Variants in LINGO2 observed in about 807,000 individuals in gnomAD.
LINGO2 encodes leucine-rich repeat and immunoglobulin-like domain-containing nogo receptor-interacting protein 2.
Under a neutral mutation model 30.6 loss-of-function variants are expected in LINGO2, and 14 were observed. The observed-to-expected ratio is 0.46, with a 90% confidence interval of 0.30 to 0.72. LINGO2 has a LOEUF of 0.72. LINGO2 is among the 30% of genes least tolerant of loss of function. The pLI is 0.07. For synonymous variants in LINGO2, 317 were observed against 288.5 expected (o/e 1.10, Z -1.00); for missense variants, 729 against 751.7 (o/e 0.97, Z 0.35).
intron 4 of LINGO2, among the ~76,000 whole-genome samples, chr9:28,017,156 A>G (rs1822880613): frequency 1.3e-5 from 2 of 152,252 alleles, no homozygotes; most frequent in Admixed American, 6.5e-5. Flanking sequence ...CATGTTAAAA[A>G]CTCTCAATAA....
chr9:28,489,896 C>CAAAAAAAAAAAAAAA, intron 1 of LINGO2, among the ~76,000 whole-genome samples: 1 of 66,920 alleles, frequency 1.5e-5, no homozygotes, highest in Non-Finnish European at 2.9e-5. Flanking sequence ...GACTTTGTCT[C>CAAAAAAAAAAAAAAA]AAAAAAAAAA....
chr9:28,312,299 T>A (rs976416927), intron 3 of LINGO2, among the ~76,000 whole-genome samples: 2 of 151,854 alleles, frequency 1.3e-5, no homozygotes, highest in African/African-American at 4.8e-5. Context: ...TAAGCTCAAA[T>A]TTTTTTAAAT....
At chr9:28,437,583 GCACACACACC>G (rs1944398583) in intron 2 of LINGO2, among the ~76,000 whole-genome samples, 4 of 145,520 alleles carry the variant, frequency 2.7e-5, no homozygotes, top group Admixed American at 2.7e-4. Context: ...ACACAGACGC[GCACACACACC>G]CACACACACA....
chr9:28,413,124 A>G (rs1037459817), intron 2 of LINGO2, among the ~76,000 whole-genome samples: 12 of 152,096 alleles, frequency 7.9e-5, no homozygotes, highest in Non-Finnish European at 1.8e-4. Flanking sequence ...TCTACTGTTT[A>G]TGTTATTAAT....
At chr9:29,062,387 C>T in the LINGO2 span, among the ~76,000 whole-genome samples, 24 of 152,148 alleles carry the variant, frequency 1.6e-4, no homozygotes, top group African/African-American at 4.8e-4. Context: ...ATTTGCACAC[C>T]CATGCTCACT....
chr9:28,498,540 C>T (rs921343565), intron 1 of LINGO2, among the ~76,000 whole-genome samples: 1 of 152,144 alleles, frequency 6.6e-6, no homozygotes, highest in African/African-American at 2.4e-5. Context: ...ACCCCATTTT[C>T]CAGGTGCTGT....
the LINGO2 span, among the ~76,000 whole-genome samples, chr9:28,751,652 A>ACTT: frequency 6.6e-6 from 1 of 152,038 alleles, no homozygotes; most frequent in Non-Finnish European, 1.5e-5. Context: ...ATTATTTTAA[A>ACTT]TTCACTACTA....
rs118023517 is a variant in LINGO2 at position 28,541,614 on chromosome 9, A to G, written c.-364-65589T>C. 4.8e-3 allele frequency among the ~76,000 whole-genome samples: 732 copies of G among 152,288 alleles called. 2 individuals carry two copies. The highest frequency in any genetic ancestry group is 8.3e-3 in the Non-Finnish European group (563 of 67,994). ...TCCACTAATTGTAAACAAACAAACA[A>G]AAACAAGTAATAGAGTTGGTGAAGA... On this transcript the variant is annotated intron_variant, in intron 1 of 5. Transcript: ENST00000379992.
chr9:28,001,646 G>A (rs1012543272), intron 5 of LINGO2, among the ~76,000 whole-genome samples: 6 of 152,104 alleles, frequency 3.9e-5, no homozygotes, highest in Admixed American at 6.5e-5. Flanking sequence ...GGAAAAGATA[G>A]GACCATTCGG....
chr9:28,009,578 A>C (rs1587680404), intron 5 of LINGO2, among the ~76,000 whole-genome samples: 2 of 152,208 alleles, frequency 1.3e-5, no homozygotes, highest in East Asian at 3.8e-4. Context: ...TCTCCCAAGA[A>C]GATTTTAAAA....
chr9:28,281,720 T>A (rs1823334016), intron 4 of LINGO2, among the ~76,000 whole-genome samples: 1 of 152,086 alleles, frequency 6.6e-6, no homozygotes, highest in Non-Finnish European at 1.5e-5. Flanking sequence ...ATACACTATG[T>A]TACTGATTGA....
At chr9:28,307,152 C>T (rs975274054) in intron 3 of LINGO2, among the ~76,000 whole-genome samples, 12 of 152,094 alleles carry the variant, frequency 7.9e-5, no homozygotes, top group Non-Finnish European at 1.8e-4. Flanking sequence ...ATCAATATCC[C>T]TGATGAACAT....
At chr9:28,550,282 G>C (rs903313524) in intron 1 of LINGO2, among the ~76,000 whole-genome samples, 3 of 151,660 alleles carry the variant, frequency 2.0e-5, no homozygotes, top group African/African-American at 7.3e-5. Flanking sequence ...TATGTGCTAT[G>C]TTGCTTAACT....
intron 1 of LINGO2, among the ~76,000 whole-genome samples, chr9:28,525,721 C>A (rs909450163): frequency 1.1e-4 from 17 of 152,088 alleles, no homozygotes; most frequent in African/African-American, 3.6e-4. Context: ...AAAACCAGAT[C>A]TTCATAACTG....
the LINGO2 span, among the ~76,000 whole-genome samples, chr9:28,691,871 A>C: frequency 6.6e-6 from 1 of 152,284 alleles, no homozygotes; most frequent in South Asian, 2.1e-4. Flanking sequence ...TAAATATAGC[A>C]ATTTCTGAAG....
the LINGO2 span, among the ~76,000 whole-genome samples, chr9:29,206,922 T>C: frequency 6.6e-6 from 1 of 151,936 alleles, no homozygotes; most frequent in Admixed American, 6.6e-5. Context: ...TAAAATTGAA[T>C]AAAGAAAAAA....
intron 1 of LINGO2, among the ~76,000 whole-genome samples, chr9:28,552,904 G>A (rs1181975778): frequency 6.7e-6 from 1 of 148,558 alleles, no homozygotes; most frequent in Non-Finnish European, 1.5e-5. Flanking sequence ...AAAAATCTGT[G>A]TTCTTGTTTT....
the LINGO2 span, among the ~76,000 whole-genome samples, chr9:28,963,777 G>A: frequency 6.6e-6 from 1 of 151,906 alleles, no homozygotes; most frequent in Admixed American, 6.6e-5. Context: ...GCTGGGAAGA[G>A]TGTGTGTAGG....
chr9:28,970,519 C>T, the LINGO2 span, among the ~76,000 whole-genome samples: 2 of 152,166 alleles, frequency 1.3e-5, no homozygotes, highest in African/African-American at 4.8e-5. Context: ...TAATGCAACC[C>T]CTCCCCCACC....
Sources: gnomAD v4.1 joint callset for allele counts (sites outside exome capture counted in the v4.1 genomes callset) on GRCh38, gnomAD v4.1.1 for gene constraint, MANE v1.5 for transcripts, NCBI Gene and HGNC (gene_info 2026-07-23, HGNC 2026-07-21) for gene names.